The following CCDC14 variants were observed in gnomAD, a reference collection of about 807,000 sequenced individuals.
CCDC14 encodes coiled-coil domain containing 14, also known as coiled-coil domain-containing protein 14.
A neutral mutation model predicts 81.4 loss-of-function variants in CCDC14; 71 were observed. That is an observed-to-expected ratio of 0.87 (90% CI 0.72 to 1.06). The LOEUF (loss-of-function observed/expected upper bound fraction) is 1.06. Among genes scored for constraint, CCDC14 ranks in the 50% least tolerant of loss-of-function variants. CCDC14 has a pLI of 0.00. For missense variants in CCDC14, 1,046 were observed against 1,047.3 expected, an observed-to-expected ratio of 1.00 and a Z score of 0.02; for synonymous variants, 332 against 364.8, an observed-to-expected ratio of 0.91 and a Z score of 1.03.
At chr3:123,903,681 T>G (rs1396516488) in intron 5 of CCDC14, among the ~76,000 whole-genome samples, 1 of 152,220 alleles carries the variant, frequency 6.6e-6, no homozygotes, top group Non-Finnish European at 1.5e-5. Context: ...TCTTTTTATT[T>G]TGCAGAGGCT....
At chr3:123,931,657 G>C (rs912924088) in intron 10 of CCDC14, 131 bp from the exon 11 acceptor site, 1 of 590,264 alleles carries the variant, frequency 1.7e-6, no homozygotes, top group Non-Finnish European at 2.9e-6. Flanking sequence ...TTAATTGCAT[G>C]AGCAGTTCTA....
intron 9 of CCDC14, among the ~76,000 whole-genome samples, chr3:123,940,019 T>C (rs1224293883): frequency 5.3e-5 from 8 of 151,674 alleles, no homozygotes; most frequent in African/African-American, 1.2e-4. Context: ...GTAAATATTA[T>C]ATATATTTTA....
Position 123,925,153 on chromosome 3 carries a change from C to A in CCDC14, c.1778+5949G>T, listed in dbSNP as rs146354153. Among the ~76,000 whole-genome samples the A allele has an allele frequency of 9.8e-3, 1,476 of 150,026 alleles. 15 individuals carry two copies. Among genetic ancestry groups the A allele is most frequent in the Non-Finnish European group, 0.015 (1,023 of 67,272 alleles). ...GCCTTAAAAAAAAAACAAAAAAAAA[C>A]CCAGGAAATTTTGTCATTTGCAACA... On this transcript the variant is annotated intron_variant, in intron 12 of 12. Transcript: ENST00000409697.
chr3:123,960,267 T>TA (rs745496056), intron 1 of CCDC14, among the ~76,000 whole-genome samples: 27 of 152,248 alleles, frequency 1.8e-4, no homozygotes, highest in Admixed American at 1.3e-4. Context: ...TAGAATGACT[T>TA]ACAGTGTGCT....
chr3:123,907,157 T>C (rs1577205668), intron 5 of CCDC14, among the ~76,000 whole-genome samples: 1 of 152,330 alleles, frequency 6.6e-6, no homozygotes, highest in African/African-American at 2.4e-5. Context: ...CCTAAAAATA[T>C]TTTAGTATAG....
intron 10 of CCDC14, among the ~76,000 whole-genome samples, chr3:123,931,746 T>C (rs551877615): frequency 1.3e-5 from 2 of 152,326 alleles, no homozygotes; most frequent in South Asian, 4.1e-4. Context: ...TAAGCATTAA[T>C]TTTTTAAACC....
chr3:123,921,283 C>T (rs893530743), intron 12 of CCDC14, among the ~76,000 whole-genome samples: 3 of 152,052 alleles, frequency 2.0e-5, no homozygotes, highest in Non-Finnish European at 2.9e-5. Flanking sequence ...GCTGCTTACA[C>T]GAGGCTCACT....
At chr3:123,895,236 G>A (rs545523577), downstream of CCDC14, among the ~76,000 whole-genome samples, 9 of 152,166 alleles carry the variant, frequency 5.9e-5, no homozygotes, top group Admixed American at 2.0e-4. Flanking sequence ...ATGCACATCC[G>A]CTGCACTTCC....
intron 12 of CCDC14, among the ~76,000 whole-genome samples, chr3:123,922,461 A>T (rs1364985532): frequency 1.3e-5 from 2 of 152,300 alleles, no homozygotes; most frequent in African/African-American, 4.8e-5. Context: ...AACAAAATTG[A>T]CAAACCCTTA....
intron 5 of CCDC14, among the ~76,000 whole-genome samples, chr3:123,906,953 T>A (rs1356867923): frequency 7.9e-5 from 12 of 152,238 alleles, no homozygotes. Flanking sequence ...TCTCCTCCTG[T>A]TATCAGATCA....
intron 5 of CCDC14, among the ~76,000 whole-genome samples, chr3:123,903,515 T>A (rs1352412803): frequency 6.6e-6 from 1 of 152,146 alleles, no homozygotes; most frequent in East Asian, 1.9e-4. Context: ...TGGGACTCTA[T>A]TCCTTAGAAA....
chr3:123,945,307 A>G (rs1166189493), intron 8 of CCDC14, among the ~76,000 whole-genome samples: 1 of 151,966 alleles, frequency 6.6e-6, no homozygotes. Flanking sequence ...CTCTTAGTCC[A>G]TAGTTACAAA....
intron 5 of CCDC14, among the ~76,000 whole-genome samples, chr3:123,899,507 A>G (rs2034138410): frequency 6.6e-6 from 1 of 152,178 alleles, no homozygotes; most frequent in African/African-American, 2.4e-5. Context: ...CAGGTTAATG[A>G]CACTGACACC....
chr3:123,940,643 C>T (rs1166460112), intron 9 of CCDC14, among the ~76,000 whole-genome samples: 1 of 152,028 alleles, frequency 6.6e-6, no homozygotes, highest in Non-Finnish European at 1.5e-5. Flanking sequence ...TGCATTCACA[C>T]ACTCTACCTT....
downstream of CCDC14, among the ~76,000 whole-genome samples, chr3:123,908,828 A>G (rs1157413088): frequency 1.3e-5 from 2 of 152,094 alleles, no homozygotes; most frequent in Non-Finnish European, 2.9e-5. Context: ...GTTAGAATAT[A>G]GTTCACTGCT....
In CCDC14 at chr3:123,955,973, TAA is replaced by T. The variant is rs1416681119; in HGVS notation, c.230-10_230-9del. On this transcript the variant is annotated splice_polypyrimidine_tract_variant and intron_variant, in intron 4 of 12. Transcript: ENST00000409697. The stretch of plus-strand genomic sequence containing the variant: ...AATATGCTGTTTCTGAACCTATTAA[TAA>T]AACAAAAATTTGTTACATCAAAATA... 1 of 1,526,256 alleles carries T rather than the reference TAA, an allele frequency of 6.6e-7. No individual in the cohort carries two copies. Among genetic ancestry groups the T allele is most frequent in the East Asian group, 2.5e-5 (1 of 40,638 alleles). The allele number at this position is 1,526,256 out of a possible 1,614,324, so 94.5% of individuals were successfully genotyped here.
At chr3:123,912,603 G>A (rs1437657998), downstream of CCDC14, among the ~76,000 whole-genome samples, 1 of 151,950 alleles carries the variant, frequency 6.6e-6, no homozygotes, top group Non-Finnish European at 1.5e-5. Flanking sequence ...GATTATGTCT[G>A]AACTACTGCA....
rs1317315467 is a variant in CCDC14 at position 123,955,881 on chromosome 3, T to G, written c.314A>C (p.Glu105Ala). The change falls in exon 5 of 13, where the codon GAA becomes GCA. Residue 105 changes from glutamate (E) to alanine (A), a missense_variant. Glu to Ala is a moderately radical substitution (Grantham distance 107). Transcript: ENST00000409697. The stretch of plus-strand genomic sequence containing the variant: ...GACTACCAAAGGAATAGTATGTTTT[T>G]CATGTCTTTTCTTTTTTGATCCGTA... ...KRYGSKKKRH[E>A]KHTIPLVVQK... 1.3e-6 allele frequency: 2 copies of G among 1,536,376 alleles called. No individual in the cohort carries two copies. Among genetic ancestry groups the G allele is most frequent in the Non-Finnish European group, 1.8e-6 (2 of 1,139,318 alleles).
downstream of CCDC14, among the ~76,000 whole-genome samples, chr3:123,911,992 T>C (rs1205431998): frequency 6.6e-6 from 1 of 152,168 alleles, no homozygotes; most frequent in African/African-American, 2.4e-5. Context: ...AGTACTTCTT[T>C]GGTTCTTTAG....
Sources: allele counts gnomAD v4.1 joint callset (sites outside exome capture counted in the v4.1 genomes callset), GRCh38; gene constraint gnomAD v4.1.1; transcripts MANE v1.5; gene names NCBI Gene and HGNC (gene_info 2026-07-23, HGNC 2026-07-21).